XPR1: variants seen among roughly 807,000 people sequenced by gnomAD.
XPR1 encodes xenotropic and polytropic retrovirus receptor 1, also known as solute carrier family 53 member 1.
XPR1 carries 28 observed loss-of-function variants against 87.5 expected under a neutral mutation model. The ratio of observed to expected loss-of-function variants is 0.32; its 90% CI spans 0.24 to 0.44. The LOEUF is 0.44. Among genes scored for constraint, XPR1 ranks in the 20% least tolerant of loss-of-function variants. The pLI, the probability that XPR1 is intolerant of heterozygous loss-of-function variation, is 1.00. For missense variants in XPR1, 559 were observed against 862.3 expected, an observed-to-expected ratio of 0.65 and a Z score of 4.41; for synonymous variants, 300 against 306.1, an observed-to-expected ratio of 0.98 and a Z score of 0.21.
At chr1:180,859,798 T>C (rs977393442) in intron 11 of XPR1, among the ~76,000 whole-genome samples, 2 of 152,136 alleles carry the variant, frequency 1.3e-5, no homozygotes, top group Admixed American at 6.5e-5. Flanking sequence ...TATAAAAAAT[T>C]AGAGTGTGAT....
At chr1:180,846,014 C>T (rs1021413717) in intron 11 of XPR1, among the ~76,000 whole-genome samples, 1 of 152,162 alleles carries the variant, frequency 6.6e-6, no homozygotes, top group African/African-American at 2.4e-5. Context: ...AATCCTAGCA[C>T]TTTGGGAGGC....
chr1:180,656,973 C>T (rs1184556808), intron 1 of XPR1, among the ~76,000 whole-genome samples: 3 of 151,828 alleles, frequency 2.0e-5, no homozygotes, highest in Admixed American at 1.3e-4. Flanking sequence ...TTGAGGGTTC[C>T]CTTTTCTCCA....
At chr1:180,709,786 T>A (rs1053833285) in intron 2 of XPR1, among the ~76,000 whole-genome samples, 1 of 152,210 alleles carries the variant, frequency 6.6e-6, no homozygotes, top group African/African-American at 2.4e-5. Flanking sequence ...TTGAGACTTT[T>A]CCTATTTATT....
At chr1:180,773,897 A>T (rs919704043) in intron 2 of XPR1, among the ~76,000 whole-genome samples, 1 of 152,236 alleles carries the variant, frequency 6.6e-6, no homozygotes, top group Non-Finnish European at 1.5e-5. Flanking sequence ...TTTCCTCAAG[A>T]AAATAGAGAT....
At chr1:180,752,776 C>A (rs1224022677) in intron 2 of XPR1, among the ~76,000 whole-genome samples, 1 of 152,088 alleles carries the variant, frequency 6.6e-6, no homozygotes, top group Non-Finnish European at 1.5e-5. Flanking sequence ...TTTAGAAATA[C>A]AAGAATTTCC....
In XPR1 at chr1:180,632,237, T is replaced by A; in HGVS notation, c.36T>A (p.Thr12=). 1 of 1,611,938 alleles carries A rather than the reference T, an allele frequency of 6.2e-7. No individual in the cohort carries two copies. Among genetic ancestry groups the A allele is most frequent in the South Asian group, 1.1e-5 (1 of 90,750 alleles). The change falls in exon 1 of 15, where the codon ACT becomes ACA. Residue 12 remains threonine (T), a synonymous_variant. Transcript: ENST00000367590. Reference sequence around the variant, plus strand: ...CCGAGCACCTCTCCGCGCACATCACTCCCGAGTGGAGGAAGCAATACATCC... The same window carrying A: ...CCGAGCACCTCTCCGCGCACATCACACCCGAGTGGAGGAAGCAATACATCC... ...KFAEHLSAHI[T]PEWRKQYIQY...
intron 14 of XPR1, among the ~76,000 whole-genome samples, chr1:180,880,843 T>G (rs1470303143): frequency 6.6e-6 from 1 of 152,210 alleles, no homozygotes; most frequent in African/African-American, 2.4e-5. Context: ...TACAACAATA[T>G]TTTTATCAGT....
chr1:180,736,969 T>G (rs1168756466), intron 2 of XPR1, among the ~76,000 whole-genome samples: 2 of 152,342 alleles, frequency 1.3e-5, no homozygotes, highest in African/African-American at 4.8e-5. Context: ...AGATGGTGGA[T>G]ACTCACACCT....
intron 2 of XPR1, among the ~76,000 whole-genome samples, chr1:180,728,003 C>T (rs1658412984): frequency 1.3e-5 from 2 of 152,096 alleles, no homozygotes; most frequent in Admixed American, 1.3e-4. Flanking sequence ...CCTATCTTAT[C>T]CTGTGACTTA....
intron 2 of XPR1, among the ~76,000 whole-genome samples, chr1:180,774,479 C>T (rs1248930318): frequency 2.7e-5 from 4 of 147,884 alleles, no homozygotes; most frequent in Non-Finnish European, 4.5e-5. Context: ...CAAGCTCCGC[C>T]TCCCGGGTTC....
At chr1:180,682,631 G>T (rs1246717151) in intron 2 of XPR1, among the ~76,000 whole-genome samples, 1 of 151,088 alleles carries the variant, frequency 6.6e-6, no homozygotes, top group African/African-American at 2.4e-5. Context: ...CTATGTCTTT[G>T]TGTCACCTTA....
At chr1:180,883,724 A>AG (rs397952448) in intron 14 of XPR1, among the ~76,000 whole-genome samples, 2 of 150,890 alleles carry the variant, frequency 1.3e-5, no homozygotes, top group African/African-American at 4.9e-5. Flanking sequence ...AAAAAAAAAA[A>AG]TCAAAGTCAG....
At chr1:180,826,575 A>C (rs1449338915) in intron 9 of XPR1, among the ~76,000 whole-genome samples, 1 of 152,138 alleles carries the variant, frequency 6.6e-6, no homozygotes, top group African/African-American at 2.4e-5. Flanking sequence ...GAAAGAAACA[A>C]AGAAAGTAAA....
chr1:180,787,470 T>C (rs984962321), intron 2 of XPR1, among the ~76,000 whole-genome samples: 9 of 151,856 alleles, frequency 5.9e-5, no homozygotes, highest in African/African-American at 2.2e-4. Context: ...AGTAGAGACG[T>C]GATTTCACCA....
At chr1:180,740,252 C>G (rs939515969) in intron 2 of XPR1, among the ~76,000 whole-genome samples, 1 of 152,142 alleles carries the variant, frequency 6.6e-6, no homozygotes, top group Non-Finnish European at 1.5e-5. Flanking sequence ...TTGTTCCCAT[C>G]TTAGCCTTTA....
At chr1:180,797,615 ATTAAAG>A (rs1364639514) in intron 3 of XPR1, among the ~76,000 whole-genome samples, 1 of 152,214 alleles carries the variant, frequency 6.6e-6, no homozygotes, top group East Asian at 1.9e-4. Flanking sequence ...TCTTTTAACA[ATTAAAG>A]TTAAGCAATT....
chr1:180,836,625 A>C lies in XPR1; in HGVS notation c.1410A>C (p.Thr470=). 1 of 1,614,142 alleles carries C rather than the reference A, an allele frequency of 6.2e-7. No individual in the cohort carries two copies. The highest frequency in any genetic ancestry group is 8.5e-7 in the Non-Finnish European group (1 of 1,180,026). ...AGTGCCTGCGCCGATATCGAGACAC[A>C]AAAAGGGCCTTTCCTCATTTAGTTA... ...FIQCLRRYRD[T]KRAFPHLVNA... is the part of the protein sequence containing the mutation. The change falls in exon 11 of 15, where the codon ACA becomes ACC. Residue 470 remains threonine (T), a synonymous_variant. Coordinates refer to ENST00000367590, the MANE Select transcript of XPR1 (RefSeq NM_004736.4).
intron 2 of XPR1, among the ~76,000 whole-genome samples, chr1:180,712,963 A>G (rs1171224468): frequency 8.5e-6 from 1 of 117,946 alleles, no homozygotes; most frequent in African/African-American, 3.2e-5. Flanking sequence ...TTTTCAAAGT[A>G]GTTTTGTCTA....
chr1:180,682,446 A>C (rs1472383664), intron 2 of XPR1, 35 bp downstream of exon 2: 12 of 1,568,210 alleles, frequency 7.7e-6, no homozygotes, highest in Admixed American at 1.8e-5. Context: ...TAGTCACAGA[A>C]AACCTCTTTT....
Sources: allele counts gnomAD v4.1 joint callset (sites outside exome capture counted in the v4.1 genomes callset), GRCh38; gene constraint gnomAD v4.1.1; transcripts MANE v1.5; gene names NCBI Gene and HGNC (gene_info 2026-07-23, HGNC 2026-07-21).